Variants in MMACHC observed in about 807,000 individuals in gnomAD.
MMACHC encodes metabolism of cobalamin associated C.
Under a neutral mutation model 17.6 loss-of-function variants are expected in MMACHC, and 14 were observed. The ratio of observed to expected loss-of-function variants is 0.80; its 90% CI spans 0.53 to 1.25. MMACHC has a LOEUF of 1.25. Among genes scored for constraint, MMACHC ranks in the 50% most tolerant of loss-of-function variants. The pLI, the probability that MMACHC is intolerant of heterozygous loss-of-function variation, is 0.00. For missense variants in MMACHC, 392 were observed against 364.5 expected, an observed-to-expected ratio of 1.08 and a Z score of -0.62; for synonymous variants, 151 against 142.1, an observed-to-expected ratio of 1.06 and a Z score of -0.45.
At position 45,509,415 on chromosome 1, in the gene MMACHC, A is replaced by ATTTT; in HGVS notation, c.*200_*201insTTTT. The ATTTT allele has an allele frequency of 7.3e-5, 18 of 245,502 alleles. No individual in the cohort carries two copies. Among genetic ancestry groups the ATTTT allele is most frequent in the Admixed American group, 2.9e-4 (3 of 10,204 alleles). The allele number at this position is 245,502 out of a possible 1,614,324, so 15.2% of individuals were successfully genotyped here. Reference sequence around the variant, plus strand: ...CAGAATTCCCATCTGCCTTCAAATGAGTTTTTTTTTTTTTTTTAGACAGAG... The same window carrying ATTTT: ...CAGAATTCCCATCTGCCTTCAAATGATTTTGTTTTTTTTTTTTTTTTAGACAGAG... On this transcript the variant is annotated 3_prime_UTR_variant, in exon 4 of 4. Transcript: ENST00000401061.
In MMACHC at chr1:45,512,284, C is replaced by G. The variant is rs1044237271; in HGVS notation, c.*3069C>G. ...AGACAGTCTCACATTGTCGCCCAGG[C>G]TGGAGTGCAGTGGCGCGATCTCAGC... On this transcript the variant is annotated 3_prime_UTR_variant, in exon 4 of 4. Coordinates refer to ENST00000401061, the MANE Select transcript of MMACHC (RefSeq NM_015506.3). 2.6e-5 allele frequency: 4 copies of G among 151,250 alleles called. No individual in the cohort carries two copies. The highest frequency in any genetic ancestry group is 6.6e-5 in the Admixed American group (1 of 15,232). The allele number at this position is 151,250 out of a possible 1,614,324, so 9.4% of individuals were successfully genotyped here.
rs1057112922 is a variant in MMACHC, at chr1:45,510,096, C to A, written c.*881C>A. The A allele has an allele frequency of 4.0e-5, 6 of 150,282 alleles. No individual in the cohort carries two copies. Among genetic ancestry groups the A allele is most frequent in the African/African-American group, 1.2e-4 (5 of 40,916 alleles). The allele number at this position is 150,282 out of a possible 1,614,324, so 9.3% of individuals were successfully genotyped here. ...TGTCTCAAAAAAAAAAAAAAAAGTA[C>A]CTACCTCAGGTAGGGACTGAATAAA... On this transcript the variant is annotated 3_prime_UTR_variant, in exon 4 of 4. Coordinates refer to ENST00000401061, the MANE Select transcript of MMACHC (RefSeq NM_015506.3).
In MMACHC at chr1:45,510,521, T is replaced by TA. The variant is rs1211767102; in HGVS notation, c.*1312dup. On this transcript the variant is annotated 3_prime_UTR_variant, in exon 4 of 4. Coordinates refer to ENST00000401061, the MANE Select transcript of MMACHC (RefSeq NM_015506.3). ...ACCACTCTGGGCAACATAATGACAC[T>TA]AAAAAAGACTATCTCTAATCAAGGC... The TA allele has an allele frequency of 3.3e-5, 5 of 152,118 alleles. No individual in the cohort carries two copies. The highest frequency in any genetic ancestry group is 5.9e-5 in the Non-Finnish European group (4 of 68,064). The allele number at this position is 152,118 out of a possible 1,614,324, so 9.4% of individuals were successfully genotyped here.
intron 1 of MMACHC, among the ~76,000 whole-genome samples, chr1:45,500,865 CAA>C (rs11374269): frequency 1.6e-4 from 14 of 86,340 alleles, no homozygotes; most frequent in South Asian, 8.2e-4. Flanking sequence ...AACTCCGTGT[CAA>C]AAAAAAAAAA....
At position 45,508,356 on chromosome 1, in the gene MMACHC, G is replaced by A. The variant is rs1302721747; in HGVS notation, c.421G>A (p.Gly141Arg). 6.2e-7 allele frequency: 1 copy of A among 1,614,058 alleles called. No individual in the cohort carries two copies. Among genetic ancestry groups the A allele is most frequent in the Non-Finnish European group, 8.5e-7 (1 of 1,180,054 alleles). ...QRQDVEADPW[G>R]NQRISGVCIH... ...ACAAGATGTGGAGGCTGACCCATGG[G>A]GGAACCAGGTGAGAGGGAAAATGTA... The change falls in exon 3 of 4, where the codon GGG becomes AGG. Residue 141 changes from glycine (G) to arginine (R), a missense_variant. By Grantham distance (125) the Gly-to-Arg change is moderately radical. Transcript: ENST00000401061.
Position 45,509,192 on chromosome 1 carries a change from C to G in MMACHC, c.826C>G (p.Pro276Ala). Residue 276 changes from proline (P) to alanine (A), a missense_variant, in exon 4 of 4, where the codon CCA becomes GCA. By Grantham distance (27) the Pro-to-Ala change is conservative (BLOSUM62 -1). Transcript: ENST00000401061. ...GAGCTGGCTCAGCCCCAGGGTCTCA[C>G]CACCTGCATCCCCTGGCCCTTGATT... ...ARSWLSPRVSPPASPGP is the reference protein window; with the variant it reads ...ARSWLSPRVSAPASPGP The G allele has an allele frequency of 6.2e-7, 1 of 1,614,120 alleles. No homozygotes were observed. Among genetic ancestry groups the G allele is most frequent in the Non-Finnish European group, 8.5e-7 (1 of 1,180,044 alleles).
At chr1:45,506,211 G>A (rs921977900) in intron 1 of MMACHC, among the ~76,000 whole-genome samples, 2 of 152,178 alleles carry the variant, frequency 1.3e-5, no homozygotes, top group African/African-American at 4.8e-5. Context: ...GAGGGTTCAG[G>A]TGGCTTTCTC....
At chr1:45,508,070 T>C (rs1643661065) in intron 2 of MMACHC, 142 bp from the exon 3 acceptor site, 3 of 1,014,524 alleles carry the variant, frequency 3.0e-6, no homozygotes, top group Non-Finnish European at 4.6e-6. Context: ...ATGTCCACAC[T>C]GGAGCCTCCC....
In MMACHC at chr1:45,509,322, T is replaced by C. The variant is rs1643694471; in HGVS notation, c.*107T>C. The C allele has an allele frequency of 7.5e-7, 1 of 1,330,094 alleles. No homozygotes were observed. The highest frequency in any genetic ancestry group is 1.9e-5 in the Admixed American group (1 of 53,818). The allele number at this position is 1,330,094 out of a possible 1,614,324, so 82.4% of individuals were successfully genotyped here. A position where few individuals can be genotyped will look rare whatever the true frequency, so the allele number is the denominator to read the frequency against. ...AAGATTACTATTTTTGATAATATAG[T>C]AGAGATCTTCCATGAAGATAACAAG... On this transcript the variant is annotated 3_prime_UTR_variant, in exon 4 of 4. Coordinates refer to ENST00000401061, the MANE Select transcript of MMACHC (RefSeq NM_015506.3).
rs1010232462 is a variant in MMACHC, at chr1:45,500,370, A to C, written c.38A>C (p.Glu13Ala). 6.2e-7 allele frequency: 1 copy of C among 1,614,058 alleles called. No individual in the cohort carries two copies. The highest frequency in any genetic ancestry group is 1.7e-5 in the Admixed American group (1 of 60,008). The change falls in exon 1 of 4, where the codon GAG becomes GCG. Residue 13 changes from glutamate (E) to alanine (A), a missense_variant. Glu to Ala is a moderately radical substitution (Grantham distance 107). Coordinates refer to ENST00000401061, the MANE Select transcript of MMACHC (RefSeq NM_015506.3). The stretch of plus-strand genomic sequence containing the variant: ...GTCGCAGAGCTGAAGCAGAAGATCG[A>C]GGACACGCTATGTCCTTTTGGCTTC... The part of the protein sequence containing the change: ...PKVAELKQKI[E>A]DTLCPFGFEV...
Position 45,509,118 on chromosome 1 carries a change from C to T in MMACHC, c.752C>T (p.Pro251Leu), listed in dbSNP as rs1236859793. Residue 251 changes from proline to leucine, a missense_variant, in exon 4 of 4, where the codon CCC (proline) becomes CTC (leucine). Pro to Leu is a moderately conservative substitution (Grantham distance 98). Transcript: ENST00000401061. ...EKPSSPSPDL[P>L]FTTPAPKKPG... Reference sequence around the variant, plus strand: ...CCTAGTTCTCCCTCCCCGGACCTTCCCTTTACCACACCCGCCCCCAAGAAG... The same window carrying T: ...CCTAGTTCTCCCTCCCCGGACCTTCTCTTTACCACACCCGCCCCCAAGAAG... 2 of 1,612,676 alleles carry T rather than the reference C, an allele frequency of 1.2e-6. No individual in the cohort carries two copies. Among genetic ancestry groups the T allele is most frequent in the Non-Finnish European group, 1.7e-6 (2 of 1,179,344 alleles).
intron 1 of MMACHC, among the ~76,000 whole-genome samples, chr1:45,502,737 T>A (rs560193153): frequency 1.3e-5 from 2 of 149,748 alleles, no homozygotes; most frequent in Admixed American, 1.3e-4. Context: ...GGAGTTTCGC[T>A]CTTGTTGCCC....
At chr1:45,501,371 A>T (rs1380226452) in intron 1 of MMACHC, among the ~76,000 whole-genome samples, 1 of 152,172 alleles carries the variant, frequency 6.6e-6, no homozygotes, top group Non-Finnish European at 1.5e-5. Context: ...TGCTTAAGAG[A>T]CTACCCACTT....
At chr1:45,508,078 C>G (rs1643661151) in intron 2 of MMACHC, 134 bp from the exon 3 acceptor site, 1 of 1,131,188 alleles carries the variant, frequency 8.8e-7, no homozygotes, top group Non-Finnish European at 1.3e-6. Flanking sequence ...ACTGGAGCCT[C>G]CCAAGTTAAG....
In MMACHC at chr1:45,508,784, C is replaced by T. The variant is rs1234468102; in HGVS notation, c.430-12C>T. 1 of 1,611,976 alleles carries T rather than the reference C, an allele frequency of 6.2e-7. No homozygotes were observed. Among genetic ancestry groups the T allele is most frequent in the South Asian group, 1.1e-5 (1 of 90,748 alleles). ...ACCTCCATGACCTTGCTTTTCTTCA[C>T]CCTCTCCCCAGCGCATATCAGGTGT... On this transcript the variant is annotated splice_polypyrimidine_tract_variant and intron_variant, in intron 3 of 3. Transcript: ENST00000401061.
chr1:45,503,468 C>T (rs1256170614), intron 1 of MMACHC, among the ~76,000 whole-genome samples: 3 of 136,494 alleles, frequency 2.2e-5, no homozygotes, highest in South Asian at 5.1e-4. Context: ...TGGAGTCTCA[C>T]TCTGTTGCCC....
chr1:45,511,558 T>C lies in MMACHC; in HGVS notation c.*2343T>C, dbSNP rs952917667. 1.5e-5 allele frequency: 8 copies of C among 516,168 alleles called. No homozygotes were observed. The South Asian group carries it at 1.8e-4, about 12-fold the overall frequency. The allele number at this position is 516,168 out of a possible 1,614,324, so 32.0% of individuals were successfully genotyped here. On this transcript the variant is annotated 3_prime_UTR_variant, in exon 4 of 4. Coordinates refer to ENST00000401061, the MANE Select transcript of MMACHC (RefSeq NM_015506.3). ...ATCAGTCTTAGATCATTCACCCTTT[T>C]AGTATGAGCTAACCATTTTACAAAC...
intron 3 of MMACHC, 52 bp from the exon 4 acceptor site, chr1:45,508,744 C>T: frequency 6.3e-7 from 1 of 1,581,950 alleles, no homozygotes; most frequent in Non-Finnish European, 8.6e-7. Context: ...TGGCAGTTGA[C>T]TTGGTGCCAA....
intron 1 of MMACHC, among the ~76,000 whole-genome samples, chr1:45,503,354 C>T (rs955564767): frequency 2.8e-4 from 42 of 151,430 alleles, no homozygotes; most frequent in African/African-American, 6.5e-4. Context: ...GTCGAGATCG[C>T]GCCATTGCAG....
Sources: allele counts gnomAD v4.1 joint callset (sites outside exome capture counted in the v4.1 genomes callset), GRCh38; gene constraint gnomAD v4.1.1; transcripts MANE v1.5; gene names NCBI Gene and HGNC (gene_info 2026-07-23, HGNC 2026-07-21).